The following TMEM132D variants were observed in gnomAD, a reference collection of about 807,000 sequenced individuals.
TMEM132D encodes the protein transmembrane protein 132D.
A neutral mutation model predicts 62.3 loss-of-function variants in TMEM132D; 21 were observed. The ratio of observed to expected loss-of-function variants is 0.34; its 90% CI spans 0.24 to 0.49. The LOEUF (loss-of-function observed/expected upper bound fraction) is 0.49. TMEM132D is among the 20% of genes least tolerant of loss of function. The pLI is 0.99. For synonymous variants in TMEM132D, 621 were observed against 575.6 expected (o/e 1.08, Z -1.13); for missense variants, 1,346 against 1,402.8 (o/e 0.96, Z 0.65).
At chr12:129,264,029 G>C (rs1479684112) in intron 4 of TMEM132D, among the ~76,000 whole-genome samples, 3 of 152,152 alleles carry the variant, frequency 2.0e-5, no homozygotes, top group Non-Finnish European at 1.5e-5. Context: ...TCTCTTGACT[G>C]AGTGCTTTCT....
chr12:129,514,515 C>G (rs1349677523), intron 3 of TMEM132D, among the ~76,000 whole-genome samples: 1 of 151,814 alleles, frequency 6.6e-6, no homozygotes, highest in African/African-American at 2.4e-5. Flanking sequence ...CTTAGAACAT[C>G]AATAGTATGT....
chr12:129,531,812 T>C (rs180864788), intron 2 of TMEM132D, among the ~76,000 whole-genome samples: 1 of 152,334 alleles, frequency 6.6e-6, no homozygotes, highest in Admixed American at 6.5e-5. Flanking sequence ...CTTGTCTTCT[T>C]ACTGTATGCT....
At chr12:129,376,717 A>G (rs1404877290) in intron 3 of TMEM132D, among the ~76,000 whole-genome samples, 1 of 152,198 alleles carries the variant, frequency 6.6e-6, no homozygotes, top group Non-Finnish European at 1.5e-5. Flanking sequence ...GTCCTGAATA[A>G]TCCCTGAGCA....
chr12:129,223,658 C>T (rs562684690), intron 4 of TMEM132D, among the ~76,000 whole-genome samples: 5 of 152,304 alleles, frequency 3.3e-5, no homozygotes, highest in African/African-American at 9.6e-5. Context: ...CCCCGCCTCC[C>T]GCTTTGCAAG....
intron 4 of TMEM132D, among the ~76,000 whole-genome samples, chr12:129,314,231 G>C (rs1342290927): frequency 6.6e-6 from 1 of 152,130 alleles, no homozygotes; most frequent in Non-Finnish European, 1.5e-5. Context: ...TTATCTTCTA[G>C]AACTTCTGTA....
Position 129,762,712 on chromosome 12 carries a change from T to C in TMEM132D, c.80-62014A>G, listed in dbSNP as rs191917135. Among the ~76,000 whole-genome samples the C allele has an allele frequency of 1.8e-4, 28 of 152,302 alleles. No homozygotes were observed. In the East Asian group the frequency reaches 4.5e-3, roughly 24 times the overall value. Reference sequence around the variant, plus strand: ...TCACTGGAGCCAGGCAGTCTGTTTCTAGAGCCTTTAAACATATATTGTACA... The same window carrying C: ...TCACTGGAGCCAGGCAGTCTGTTTCCAGAGCCTTTAAACATATATTGTACA... On this transcript the variant is annotated intron_variant, in intron 1 of 8. Transcript: ENST00000422113.
At chr12:129,525,793 T>C (rs967423300) in intron 3 of TMEM132D, among the ~76,000 whole-genome samples, 3 of 152,224 alleles carry the variant, frequency 2.0e-5, no homozygotes, top group African/African-American at 7.2e-5. Context: ...ACATTTATGT[T>C]CTTCCCACTC....
intron 1 of TMEM132D, among the ~76,000 whole-genome samples, chr12:129,714,260 A>T (rs1446310386): frequency 6.6e-6 from 1 of 152,136 alleles, no homozygotes; most frequent in Non-Finnish European, 1.5e-5. Flanking sequence ...CACTGAAGTA[A>T]CCCTTCCTCC....
intron 3 of TMEM132D, among the ~76,000 whole-genome samples, chr12:129,443,467 G>A (rs1872997903): frequency 6.6e-6 from 1 of 152,082 alleles, no homozygotes; most frequent in Admixed American, 6.5e-5. Context: ...GGTGAGCGAT[G>A]GCCCACAGCC....
At chr12:129,480,795 G>A (rs976921986) in intron 3 of TMEM132D, among the ~76,000 whole-genome samples, 2 of 152,150 alleles carry the variant, frequency 1.3e-5, no homozygotes, top group Admixed American at 6.5e-5. Context: ...AAACTTGCTC[G>A]AATGAAGTGC....
chr12:129,630,027 G>A (rs1230357099), intron 2 of TMEM132D, among the ~76,000 whole-genome samples: 2 of 152,192 alleles, frequency 1.3e-5, no homozygotes, highest in Non-Finnish European at 2.9e-5. Context: ...TGGATGGCTG[G>A]TTCCATTGTT....
intron 1 of TMEM132D, among the ~76,000 whole-genome samples, chr12:129,784,143 A>G (rs964111449): frequency 2.6e-5 from 4 of 152,226 alleles, no homozygotes; most frequent in African/African-American, 9.6e-5. Flanking sequence ...CTGAAAAATA[A>G]CAGACACAAG....
intron 5 of TMEM132D, among the ~76,000 whole-genome samples, chr12:129,151,159 A>G (rs1417411541): frequency 1.3e-5 from 2 of 152,182 alleles, no homozygotes; most frequent in Non-Finnish European, 2.9e-5. Context: ...CCTTTGTCCT[A>G]ATGCAGGGCA....
intron 3 of TMEM132D, among the ~76,000 whole-genome samples, chr12:129,458,526 G>A (rs34379177): frequency 0.13 from 20,195 of 152,046 alleles, 1,618 homozygotes; most frequent in Middle Eastern, 0.22. Context: ...TTAATCAGAT[G>A]TGTCTGGTCT....
Position 129,357,386 on chromosome 12 carries a change from GGAAGGAAGGAAC to G in TMEM132D, c.1116-19581_1116-19570del, listed in dbSNP as rs1247798186. Among the ~76,000 whole-genome samples, 13 of 147,772 alleles carry G rather than the reference GGAAGGAAGGAAC, an allele frequency of 8.8e-5. No homozygotes were observed. The South Asian group carries it at 2.4e-3, about 27-fold the overall frequency. ...AGAGAGAAAGGAAGGAGGGAGGGAG[GGAAGGAAGGAAC>G]GAAGGAAGGAAGGAAGGAGAAAGAA... On this transcript the variant is annotated intron_variant, in intron 3 of 8. Coordinates refer to ENST00000422113, the MANE Select transcript of TMEM132D (RefSeq NM_133448.3).
intron 1 of TMEM132D, among the ~76,000 whole-genome samples, chr12:129,819,116 A>C (rs1308421468): frequency 6.6e-6 from 1 of 152,008 alleles, no homozygotes; most frequent in Non-Finnish European, 1.5e-5. Context: ...GTCTTGCGGG[A>C]GACAGCCTAG....
chr12:129,126,801 A>G (rs1030419109), intron 5 of TMEM132D, among the ~76,000 whole-genome samples: 3 of 152,160 alleles, frequency 2.0e-5, no homozygotes, highest in Non-Finnish European at 4.4e-5. Flanking sequence ...GTTAACTAGG[A>G]ACTTTCCTCC....
At chr12:129,545,095 A>G (rs1876695343) in intron 2 of TMEM132D, among the ~76,000 whole-genome samples, 1 of 152,230 alleles carries the variant, frequency 6.6e-6, no homozygotes, top group South Asian at 2.1e-4. Flanking sequence ...ATTGGGTCCA[A>G]ACATATTGAT....
chr12:129,594,136 T>C (rs1246043608), intron 2 of TMEM132D, among the ~76,000 whole-genome samples: 1 of 152,178 alleles, frequency 6.6e-6, no homozygotes, highest in Non-Finnish European at 1.5e-5. Flanking sequence ...CAAACAGGAA[T>C]GGTTCAGAGC....
Sources: allele counts gnomAD v4.1 joint callset (sites outside exome capture counted in the v4.1 genomes callset), GRCh38; gene constraint gnomAD v4.1.1; transcripts MANE v1.5; gene names NCBI Gene and HGNC (gene_info 2026-07-23, HGNC 2026-07-21).